PXDNL: variants seen among roughly 807,000 people sequenced by gnomAD.
The protein encoded by PXDNL is probable oxidoreductase PXDNL.
In PXDNL, 145 loss-of-function variants were observed where a neutral mutation model predicts 150.8. That is an observed-to-expected ratio of 0.96 (90% CI 0.84 to 1.10). PXDNL has a LOEUF of 1.10. PXDNL is among the 50% of genes least tolerant of loss of function. The probability of loss-of-function intolerance (pLI) is 0.00; values close to 1 mark genes in which losing one functional copy is unlikely to be tolerated. For synonymous variants in PXDNL, 757 were observed against 725.7 expected, an observed-to-expected ratio of 1.04 and a Z score of -0.69; for missense variants, 2,087 against 1,873.9, an observed-to-expected ratio of 1.11 and a Z score of -2.10.
intron 1 of PXDNL, among the ~76,000 whole-genome samples, chr8:51,713,446 C>A (rs934344656): frequency 6.6e-6 from 1 of 152,168 alleles, no homozygotes; most frequent in South Asian, 2.1e-4. Flanking sequence ...AATGAAATAC[C>A]TTTAACCATC....
intron 1 of PXDNL, among the ~76,000 whole-genome samples, chr8:51,657,419 G>A (rs1189012373): frequency 6.6e-6 from 1 of 152,052 alleles, no homozygotes; most frequent in African/African-American, 2.4e-5. Flanking sequence ...TTTCTATGTT[G>A]TTCCTTGTCT....
chr8:51,393,333 G>T (rs539670756), intron 17 of PXDNL, among the ~76,000 whole-genome samples: 1 of 152,276 alleles, frequency 6.6e-6, no homozygotes, highest in East Asian at 1.9e-4. Context: ...AAACTGATGA[G>T]ACACATACAA....
At chr8:51,730,782 A>C (rs1022326031) in intron 1 of PXDNL, among the ~76,000 whole-genome samples, 3 of 152,200 alleles carry the variant, frequency 2.0e-5, no homozygotes, top group Admixed American at 6.5e-5. Context: ...AGAAGGTGAA[A>C]GAGAAGCAAA....
chr8:51,425,331 G>C (rs1171660383), intron 13 of PXDNL, among the ~76,000 whole-genome samples: 2 of 152,146 alleles, frequency 1.3e-5, no homozygotes, highest in African/African-American at 2.4e-5. Flanking sequence ...GTCTGGCATA[G>C]AGTCAGCACT....
chr8:51,587,726 TC>T (rs1813356771), intron 3 of PXDNL, among the ~76,000 whole-genome samples: 1 of 151,194 alleles, frequency 6.6e-6, no homozygotes, highest in African/African-American at 2.5e-5. Context: ...GTGTTATCAT[TC>T]CTCTCTTAAG....
At chr8:51,688,002 T>G (rs1160739922) in intron 1 of PXDNL, among the ~76,000 whole-genome samples, 1 of 152,250 alleles carries the variant, frequency 6.6e-6, no homozygotes, top group Non-Finnish European at 1.5e-5. Context: ...ACAATTCCAA[T>G]GATCTCAATG....
intron 4 of PXDNL, among the ~76,000 whole-genome samples, chr8:51,548,585 C>T (rs887354444): frequency 6.6e-6 from 1 of 152,098 alleles, no homozygotes; most frequent in African/African-American, 2.4e-5. Flanking sequence ...TCCAGCAAAA[C>T]TAAGCTTCAT....
chr8:51,749,383 C>T (rs1055458086), intron 1 of PXDNL, among the ~76,000 whole-genome samples: 1 of 152,176 alleles, frequency 6.6e-6, no homozygotes, highest in African/African-American at 2.4e-5. Flanking sequence ...CTACCATGCT[C>T]CTAGGCTATA....
chr8:51,491,328 G>A (rs546265750), intron 5 of PXDNL, among the ~76,000 whole-genome samples: 1 of 151,936 alleles, frequency 6.6e-6, no homozygotes, highest in Non-Finnish European at 1.5e-5. Flanking sequence ...AATTATGATG[G>A]CAACAACCAA....
intron 1 of PXDNL, among the ~76,000 whole-genome samples, chr8:51,724,066 C>G (rs1295123275): frequency 6.8e-6 from 1 of 146,468 alleles, no homozygotes; most frequent in Non-Finnish European, 1.5e-5. Context: ...TCTTGGCTAT[C>G]GCCGGACCAG....
At chr8:51,332,729 G>T (rs924588051) in intron 21 of PXDNL, among the ~76,000 whole-genome samples, 2 of 152,102 alleles carry the variant, frequency 1.3e-5, no homozygotes, top group Admixed American at 1.3e-4. Context: ...ACAAGTAGAA[G>T]AAAGAAATTC....
At chr8:51,370,940 C>A (rs1554530612) in intron 19 of PXDNL, among the ~76,000 whole-genome samples, 2 of 152,150 alleles carry the variant, frequency 1.3e-5, no homozygotes, top group Non-Finnish European at 2.9e-5. Flanking sequence ...ATTTCCTCCC[C>A]TGACAACAAA....
intron 2 of PXDNL, among the ~76,000 whole-genome samples, chr8:51,639,791 C>T (rs1318066458): frequency 6.6e-6 from 1 of 152,080 alleles, no homozygotes; most frequent in Non-Finnish European, 1.5e-5. Context: ...GGAACTGGTA[C>T]CATTCCTTCT....
chr8:51,618,544 G>A (rs1424679095), intron 2 of PXDNL, among the ~76,000 whole-genome samples: 1 of 152,198 alleles, frequency 6.6e-6, no homozygotes, highest in Non-Finnish European at 1.5e-5. Context: ...TCATGGTGAA[G>A]TCAGCCTGAG....
At chr8:51,705,845 G>A (rs895134045) in intron 1 of PXDNL, among the ~76,000 whole-genome samples, 86 of 151,696 alleles carry the variant, frequency 5.7e-4, no homozygotes, top group African/African-American at 1.4e-3. Context: ...GCGCGCGCGC[G>A]CGCGCGCGTG....
intron 9 of PXDNL, among the ~76,000 whole-genome samples, chr8:51,456,391 A>G (rs1809938144): frequency 1.3e-5 from 2 of 152,184 alleles, no homozygotes; most frequent in South Asian, 4.2e-4. Context: ...GTTGCTTTCA[A>G]CTTAAAGGTC....
chr8:51,342,584 T>C (rs1458929097), intron 20 of PXDNL, among the ~76,000 whole-genome samples: 1 of 151,996 alleles, frequency 6.6e-6, no homozygotes, highest in Non-Finnish European at 1.5e-5. Context: ...CAAACAAACA[T>C]GAATGCATAA....
chr8:51,379,830 T>C (rs1807476211), intron 17 of PXDNL, among the ~76,000 whole-genome samples: 2 of 152,188 alleles, frequency 1.3e-5, no homozygotes, highest in South Asian at 2.1e-4. Flanking sequence ...GATTTTCATA[T>C]ATGATATGAG....
At chr8:51,595,637 C>T (rs565020104) in intron 2 of PXDNL, among the ~76,000 whole-genome samples, 3 of 152,206 alleles carry the variant, frequency 2.0e-5, no homozygotes, top group South Asian at 2.1e-4. Flanking sequence ...CATTTCTGTG[C>T]GTACCAAAGT....
Sources: gnomAD v4.1 joint callset for allele counts (sites outside exome capture counted in the v4.1 genomes callset) on GRCh38, gnomAD v4.1.1 for gene constraint, MANE v1.5 for transcripts, NCBI Gene and HGNC (gene_info 2026-07-23, HGNC 2026-07-21) for gene names.